CCDC91: variants seen among roughly 807,000 people sequenced by gnomAD.
The protein encoded by CCDC91 is coiled-coil domain-containing protein 91.
A neutral mutation model predicts 63.2 loss-of-function variants in CCDC91; 48 were observed. The observed-to-expected ratio is 0.76, with a 90% CI of 0.60 to 0.97. The LOEUF (loss-of-function observed/expected upper bound fraction) is 0.97. Ranked by LOEUF, CCDC91 falls within the 50% of genes least tolerant of loss-of-function variation. The probability of loss-of-function intolerance (pLI) is 0.00; values close to 1 mark genes in which losing one functional copy is unlikely to be tolerated. For missense variants in CCDC91, 500 were observed against 494.6 expected (o/e 1.01, Z -0.10); for synonymous variants, 167 against 165.8 (o/e 1.01, Z -0.06).
chr12:28,289,894 G>A (rs1165691267), intron 3 of CCDC91, among the ~76,000 whole-genome samples: 8 of 151,558 alleles, frequency 5.3e-5, no homozygotes, highest in African/African-American at 1.9e-4. Context: ...GGGTTTCACC[G>A]TGTTAGCCAG....
At chr12:28,306,341 A>G (rs1938725812) in intron 4 of CCDC91, among the ~76,000 whole-genome samples, 1 of 152,084 alleles carries the variant, frequency 6.6e-6, no homozygotes, top group Non-Finnish European at 1.5e-5. Context: ...GTGGTGATCA[A>G]TAGAGGTCAT....
At chr12:28,477,846 G>A (rs1426376810) in intron 11 of CCDC91, among the ~76,000 whole-genome samples, 2 of 152,136 alleles carry the variant, frequency 1.3e-5, no homozygotes, top group African/African-American at 2.4e-5. Flanking sequence ...CAAATCATGA[G>A]TGAACTCCCA....
At chr12:28,445,827 C>T (rs927416912) in intron 8 of CCDC91, among the ~76,000 whole-genome samples, 1 of 152,130 alleles carries the variant, frequency 6.6e-6, no homozygotes, top group Non-Finnish European at 1.5e-5. Context: ...GTGCTCTTTT[C>T]CCCATCCTCA....
At chr12:28,302,013 T>C (rs1266802969) in intron 3 of CCDC91, among the ~76,000 whole-genome samples, 1 of 151,920 alleles carries the variant, frequency 6.6e-6, no homozygotes, top group Non-Finnish European at 1.5e-5. Flanking sequence ...TTTTTCTTAC[T>C]AATCTACTTC....
intron 12 of CCDC91, among the ~76,000 whole-genome samples, chr12:28,544,896 A>G (rs1176478109): frequency 2.0e-5 from 3 of 152,084 alleles, no homozygotes; most frequent in Admixed American, 2.0e-4. Context: ...GAAATTATTA[A>G]GAAGACATGC....
At chr12:28,548,887 A>G (rs1043160086) in intron 12 of CCDC91, among the ~76,000 whole-genome samples, 176 bp from the exon 13 acceptor site, 3 of 152,194 alleles carry the variant, frequency 2.0e-5, no homozygotes, top group African/African-American at 7.2e-5. Context: ...CTCATCTTAG[A>G]TGATTTAGGC....
At position 28,231,068 on chromosome 12, in the gene CCDC91, C is replaced by T. The variant is rs535724184; in HGVS notation, c.-14-26134C>T. ...GTGAAATGTTTGATAGGACACTATA[C>T]TAGAGGCTCTAAGAAATAGAGCTCT... On this transcript the variant is annotated intron_variant, in intron 1 of 12. Transcript: ENST00000536442. Among the ~76,000 whole-genome samples the T allele has an allele frequency of 2.3e-4, 35 of 152,298 alleles. 1 individual carries two copies. Among genetic ancestry groups the T allele is most frequent in the African/African-American group, 7.9e-4 (33 of 41,564 alleles).
At chr12:28,359,672 G>A (rs1943747649) in intron 6 of CCDC91, among the ~76,000 whole-genome samples, 1 of 152,052 alleles carries the variant, frequency 6.6e-6, no homozygotes. Flanking sequence ...AGCAGTCTCT[G>A]GGTAACACTA....
At chr12:28,547,232 C>T (rs1158120690) in intron 12 of CCDC91, among the ~76,000 whole-genome samples, 1 of 152,018 alleles carries the variant, frequency 6.6e-6, no homozygotes, top group Non-Finnish European at 1.5e-5. Context: ...TTAATTTAGA[C>T]CAAGTGCAAA....
chr12:28,510,209 T>G (rs1045584105), intron 12 of CCDC91, among the ~76,000 whole-genome samples: 4 of 129,724 alleles, frequency 3.1e-5, no homozygotes, highest in Non-Finnish European at 7.3e-5. Context: ...TATATTAGGA[T>G]TCTCCAGAGA....
At chr12:28,345,958 C>T (rs142766641) in intron 6 of CCDC91, among the ~76,000 whole-genome samples, 1 of 152,114 alleles carries the variant, frequency 6.6e-6, no homozygotes, top group East Asian at 1.9e-4. Flanking sequence ...TCCTGAACAA[C>T]TTTTTATCTT....
intron 11 of CCDC91, among the ~76,000 whole-genome samples, chr12:28,460,817 A>G (rs1950270659): frequency 6.6e-6 from 1 of 151,916 alleles, no homozygotes; most frequent in Non-Finnish European, 1.5e-5. Flanking sequence ...GTGTGTATAT[A>G]TATATTTTTT....
chr12:28,250,771 T>C (rs1298304953), intron 1 of CCDC91, among the ~76,000 whole-genome samples: 1 of 152,058 alleles, frequency 6.6e-6, no homozygotes, highest in Non-Finnish European at 1.5e-5. Flanking sequence ...GTTCAATTGC[T>C]GGAGGGTAAA....
chr12:28,501,141 G>A (rs1198983467), intron 12 of CCDC91, among the ~76,000 whole-genome samples: 1 of 151,842 alleles, frequency 6.6e-6, no homozygotes, highest in African/African-American at 2.4e-5. Flanking sequence ...AAGCACTCTA[G>A]TCATCAGCAA....
At chr12:28,268,915 A>T (rs1947548049) in intron 3 of CCDC91, among the ~76,000 whole-genome samples, 2 of 151,972 alleles carry the variant, frequency 1.3e-5, no homozygotes, top group Admixed American at 1.3e-4. Context: ...TACCCCTGAG[A>T]TTCTTGTATT....
chr12:28,351,987 G>T (rs539268795), intron 6 of CCDC91, among the ~76,000 whole-genome samples: 1 of 152,308 alleles, frequency 6.6e-6, no homozygotes, highest in East Asian at 1.9e-4. Context: ...ATACTGCAGA[G>T]TTTGGTTCCA....
chr12:28,291,614 C>G (rs1949255176), intron 3 of CCDC91, among the ~76,000 whole-genome samples: 1 of 152,174 alleles, frequency 6.6e-6, no homozygotes, highest in Non-Finnish European at 1.5e-5. Context: ...TGCGGTCTAC[C>G]TACTGAGCTG....
Position 28,466,045 on chromosome 12 carries a change from G to A in CCDC91, c.1101+13391G>A, listed in dbSNP as rs533940629. Among the ~76,000 whole-genome samples the A allele has an allele frequency of 4.0e-5, 6 of 151,122 alleles. 1 individual carries two copies. The South Asian group carries it at 1.3e-3, about 32-fold the overall frequency. Reference sequence around the variant, plus strand: ...TTGGCATACTGAAGAATGCATCAGAGCCTTTTAGTAGCAGAACTGACAAAG... The same window carrying A: ...TTGGCATACTGAAGAATGCATCAGAACCTTTTAGTAGCAGAACTGACAAAG... On this transcript the variant is annotated intron_variant, in intron 11 of 12. Transcript: ENST00000536442.
At chr12:28,337,330 A>G (rs1942059619) in intron 6 of CCDC91, among the ~76,000 whole-genome samples, 1 of 152,136 alleles carries the variant, frequency 6.6e-6, no homozygotes, top group Non-Finnish European at 1.5e-5. Flanking sequence ...CTATAGCATT[A>G]TCTATCTAAC....
Sources: allele counts gnomAD v4.1 joint callset (sites outside exome capture counted in the v4.1 genomes callset), GRCh38; gene constraint gnomAD v4.1.1; transcripts MANE v1.5; gene names NCBI Gene and HGNC (gene_info 2026-07-23, HGNC 2026-07-21).